The following SPATA16 variants were observed in gnomAD, a reference collection of about 807,000 sequenced individuals.
The protein encoded by SPATA16 is spermatogenesis associated 16, also known as spermatogenesis-associated protein 16.
Under a neutral mutation model 63.3 loss-of-function variants are expected in SPATA16, and 36 were observed. That is an observed-to-expected ratio of 0.57 (90% CI 0.44 to 0.75). SPATA16 has a LOEUF of 0.75. SPATA16 is among the 30% of genes least tolerant of loss of function. The pLI, the probability that SPATA16 is intolerant of heterozygous loss-of-function variation, is 0.00. For synonymous variants in SPATA16, 203 were observed against 216.7 expected (o/e 0.94, Z 0.56); for missense variants, 646 against 679.3 (o/e 0.95, Z 0.54).
At chr3:173,067,499 A>G (rs986081571) in intron 2 of SPATA16, among the ~76,000 whole-genome samples, 2 of 152,168 alleles carry the variant, frequency 1.3e-5, no homozygotes, top group Non-Finnish European at 2.9e-5. Context: ...GCACTATTCT[A>G]ATTACATGGG....
chr3:172,968,664 G>A (rs1319593624), intron 5 of SPATA16, among the ~76,000 whole-genome samples: 1 of 152,112 alleles, frequency 6.6e-6, no homozygotes, highest in Admixed American at 6.5e-5. Context: ...AACATCAACA[G>A]AAGAACTACA....
At chr3:172,904,337 T>A (rs1732190559) in intron 10 of SPATA16, among the ~76,000 whole-genome samples, 1 of 152,254 alleles carries the variant, frequency 6.6e-6, no homozygotes, top group African/African-American at 2.4e-5. Context: ...CATAGTTTGA[T>A]AATTTGTGGG....
At chr3:172,925,551 T>C (rs367603647) in intron 6 of SPATA16, 59 bp from the exon 7 acceptor site, 3 of 1,607,210 alleles carry the variant, frequency 1.9e-6, no homozygotes, top group African/African-American at 2.7e-5. Flanking sequence ...ATTTTTAGGG[T>C]TTTCCCCCCC....
intron 2 of SPATA16, among the ~76,000 whole-genome samples, chr3:173,067,829 C>T (rs913789254): frequency 6.6e-6 from 1 of 151,992 alleles, no homozygotes; most frequent in African/African-American, 2.4e-5. Context: ...ACTCTCAAAG[C>T]TCAAGGATAA....
At chr3:172,891,830 T>G (rs888066305) in intron 10 of SPATA16, among the ~76,000 whole-genome samples, 7 of 152,204 alleles carry the variant, frequency 4.6e-5, no homozygotes, top group Non-Finnish European at 1.5e-5. Context: ...CAGGGAAGTC[T>G]TCCTTCAGAA....
At chr3:172,968,467 G>A (rs989116121) in intron 5 of SPATA16, among the ~76,000 whole-genome samples, 6 of 152,230 alleles carry the variant, frequency 3.9e-5, no homozygotes, top group Non-Finnish European at 5.9e-5. Context: ...TGGGGATAGC[G>A]TGAGGAGAAG....
At chr3:172,918,780 C>T (rs544768363) in intron 8 of SPATA16, among the ~76,000 whole-genome samples, 59 of 152,126 alleles carry the variant, frequency 3.9e-4, no homozygotes, top group Non-Finnish European at 5.9e-4. Context: ...ATAAAGTGGC[C>T]ACGACTGAAG....
intron 3 of SPATA16, among the ~76,000 whole-genome samples, chr3:173,026,554 AG>A (rs957509278): frequency 8.7e-4 from 133 of 152,048 alleles, no homozygotes; most frequent in African/African-American, 3.1e-3. Context: ...TTCTTCAAAA[AG>A]TTTGATAGTT....
intron 3 of SPATA16, among the ~76,000 whole-genome samples, chr3:173,023,131 TTGTGTATGTGTGTG>T (rs1342540898): frequency 7.4e-6 from 1 of 135,350 alleles, no homozygotes; most frequent in African/African-American, 3.0e-5. Context: ...GATTTGATGC[TTGTGTATGTGTGTG>T]TGTGTGTGTG....
chr3:172,961,771 CT>C (rs1560080710), intron 5 of SPATA16, among the ~76,000 whole-genome samples: 1 of 152,086 alleles, frequency 6.6e-6, no homozygotes, highest in Admixed American at 6.6e-5. Context: ...ATTTCACTTT[CT>C]TTTTTGAAAA....
chr3:173,031,803 CT>C (rs1274249937), intron 3 of SPATA16, among the ~76,000 whole-genome samples: 10 of 152,068 alleles, frequency 6.6e-5, no homozygotes, highest in Admixed American at 3.9e-4. Context: ...TAGTCCTCTG[CT>C]TTTAAAAAGT....
At chr3:172,907,291 T>G (rs182697979) in intron 10 of SPATA16, among the ~76,000 whole-genome samples, 1 of 152,282 alleles carries the variant, frequency 6.6e-6, no homozygotes, top group East Asian at 1.9e-4. Flanking sequence ...TAAATCAGCC[T>G]TTGCCCTTCT....
At chr3:172,987,313 C>A (rs571413083) in intron 4 of SPATA16, among the ~76,000 whole-genome samples, 1 of 152,230 alleles carries the variant, frequency 6.6e-6, no homozygotes, top group East Asian at 1.9e-4. Context: ...GCCTGGTAAA[C>A]CTTAGAGAAG....
chr3:173,097,933 C>T (rs1369678374), intron 2 of SPATA16, among the ~76,000 whole-genome samples: 3 of 152,146 alleles, frequency 2.0e-5, no homozygotes, highest in Admixed American at 6.6e-5. Context: ...GGGCATAAAA[C>T]ATGGAAGGAC....
intron 4 of SPATA16, among the ~76,000 whole-genome samples, chr3:173,007,597 G>T (rs1734971027): frequency 6.6e-6 from 1 of 151,968 alleles, no homozygotes; most frequent in Admixed American, 6.6e-5. Flanking sequence ...ATTTTAAAAA[G>T]GCTAAAGATA....
chr3:172,983,829 T>C (rs1482951905), intron 4 of SPATA16, among the ~76,000 whole-genome samples: 3 of 152,030 alleles, frequency 2.0e-5, no homozygotes, highest in Non-Finnish European at 2.9e-5. Context: ...GTCACAATGT[T>C]CTTTCCAAAA....
chr3:173,023,908 T>C (rs979883675), intron 3 of SPATA16, among the ~76,000 whole-genome samples: 1 of 150,736 alleles, frequency 6.6e-6, no homozygotes, highest in African/African-American at 2.4e-5. Flanking sequence ...TTAAGAATTA[T>C]ATAAAATGTA....
At chr3:173,024,275 A>AT (rs1244034369) in intron 3 of SPATA16, among the ~76,000 whole-genome samples, 1 of 151,572 alleles carries the variant, frequency 6.6e-6, no homozygotes, top group Non-Finnish European at 1.5e-5. Context: ...ATTTATAACT[A>AT]TTTTTTTCTC....
Position 172,980,862 on chromosome 3 carries a change from A to G in SPATA16, c.849-3810T>C, listed in dbSNP as rs917336951. On this transcript the variant is annotated intron_variant, in intron 4 of 10. Transcript: ENST00000351008. The stretch of plus-strand genomic sequence containing the variant: ...TCTTCCCTTCACTATTAAAAAGCAA[A>G]CTGGAAAACCTCGCACTCTTGAAAA... 5.9e-5 allele frequency among the ~76,000 whole-genome samples: 9 copies of G among 152,120 alleles called. No individual in the cohort carries two copies. The East Asian group carries it at 1.7e-3, about 29-fold the overall frequency.
Sources: gnomAD v4.1 joint callset for allele counts (sites outside exome capture counted in the v4.1 genomes callset) on GRCh38, gnomAD v4.1.1 for gene constraint, MANE v1.5 for transcripts, NCBI Gene and HGNC (gene_info 2026-07-23, HGNC 2026-07-21) for gene names.